The following DLG2 variants were observed in gnomAD, a reference collection of about 807,000 sequenced individuals.
DLG2 encodes the protein discs large MAGUK scaffold protein 2.
Under a neutral mutation model 132.5 loss-of-function variants are expected in DLG2, and 45 were observed. The ratio of observed to expected loss-of-function variants is 0.34; its 90% CI spans 0.27 to 0.44. The LOEUF (loss-of-function observed/expected upper bound fraction) is 0.44, where lower values mean the gene tolerates loss of function less well. DLG2 is among the 20% of genes least tolerant of loss of function. DLG2 has a pLI of 1.00. For synonymous variants in DLG2, 424 were observed against 419.6 expected, an observed-to-expected ratio of 1.01 and a Z score of -0.13; for missense variants, 1,045 against 1,196.9, an observed-to-expected ratio of 0.87 and a Z score of 1.87.
intron 5 of DLG2, among the ~76,000 whole-genome samples, chr11:85,113,722 A>G (rs890759373): frequency 6.6e-6 from 1 of 152,026 alleles, no homozygotes; most frequent in Non-Finnish European, 1.5e-5. Context: ...CACTTTTCTC[A>G]TCTGTAAAAT....
chr11:85,000,966 T>C (rs1298667311), intron 6 of DLG2, among the ~76,000 whole-genome samples: 1 of 152,122 alleles, frequency 6.6e-6, no homozygotes, highest in African/African-American at 2.4e-5. Flanking sequence ...GAACACTGTA[T>C]TGAGAATAGT....
At chr11:85,073,522 T>C (rs2066142669) in intron 6 of DLG2, among the ~76,000 whole-genome samples, 1 of 151,892 alleles carries the variant, frequency 6.6e-6, no homozygotes, top group Non-Finnish European at 1.5e-5. Context: ...ATTGTGTTCT[T>C]GGTGTCTTCT....
At chr11:83,920,650 C>T (rs552577343) in intron 15 of DLG2, among the ~76,000 whole-genome samples, 7 of 152,108 alleles carry the variant, frequency 4.6e-5, no homozygotes, top group Non-Finnish European at 7.4e-5. Flanking sequence ...TTATGGAGCA[C>T]TTCATATTTA....
intron 18 of DLG2, among the ~76,000 whole-genome samples, chr11:83,645,149 G>A (rs1196069356): frequency 3.9e-5 from 6 of 152,136 alleles, no homozygotes; most frequent in East Asian, 1.9e-4. Flanking sequence ...TGTGGCCCAT[G>A]AGAAAGAGTG....
At chr11:84,520,029 T>C (rs1245278161) in intron 7 of DLG2, among the ~76,000 whole-genome samples, 1 of 152,214 alleles carries the variant, frequency 6.6e-6, no homozygotes, top group Non-Finnish European at 1.5e-5. Flanking sequence ...ACATTCTCTT[T>C]CCTGAATCAT....
At chr11:84,791,265 T>C (rs1430639717) in intron 6 of DLG2, among the ~76,000 whole-genome samples, 2 of 152,142 alleles carry the variant, frequency 1.3e-5, no homozygotes, top group African/African-American at 2.4e-5. Context: ...TGAGATAAGA[T>C]TTGGCTGAGG....
chr11:83,786,062 G>T (rs1314072336), intron 18 of DLG2, among the ~76,000 whole-genome samples: 1 of 152,142 alleles, frequency 6.6e-6, no homozygotes, highest in Non-Finnish European at 1.5e-5. Flanking sequence ...GTCTCATTGA[G>T]CCTCATTTTA....
chr11:84,534,490 C>A (rs1202598429), intron 7 of DLG2, 80 bp downstream of exon 7: 2 of 1,411,902 alleles, frequency 1.4e-6, no homozygotes, highest in Admixed American at 1.8e-5. Context: ...CTCATTTAAT[C>A]GGGCCAGCAA....
At chr11:84,977,385 T>C (rs983560074) in intron 6 of DLG2, among the ~76,000 whole-genome samples, 2 of 152,226 alleles carry the variant, frequency 1.3e-5, no homozygotes, top group African/African-American at 4.8e-5. Context: ...TCATCCTTCA[T>C]GACCCCTTTG....
intron 19 of DLG2, among the ~76,000 whole-genome samples, chr11:83,559,134 G>A (rs1456395094): frequency 6.6e-6 from 1 of 152,126 alleles, no homozygotes; most frequent in Admixed American, 6.6e-5. Flanking sequence ...AAAGAAAGAT[G>A]AAAATAAAAG....
intron 10 of DLG2, among the ~76,000 whole-genome samples, chr11:84,093,132 G>A (rs1031566770): frequency 6.6e-6 from 1 of 152,090 alleles, no homozygotes; most frequent in Non-Finnish European, 1.5e-5. Flanking sequence ...CTCACTATTG[G>A]TGTATGTCAT....
chr11:85,569,979 T>C (rs2077752002), intron 3 of DLG2, among the ~76,000 whole-genome samples: 1 of 152,162 alleles, frequency 6.6e-6, no homozygotes, highest in Non-Finnish European at 1.5e-5. Context: ...CAATAGGCAC[T>C]GCAAACTACT....
intron 3 of DLG2, among the ~76,000 whole-genome samples, chr11:85,586,392 T>C (rs2078974074): frequency 6.6e-6 from 1 of 152,212 alleles, no homozygotes. Context: ...CTGCTTGTTA[T>C]TGGTCTGTTC....
At chr11:85,369,097 T>C (rs1016523884) in intron 3 of DLG2, among the ~76,000 whole-genome samples, 1 of 151,980 alleles carries the variant, frequency 6.6e-6, no homozygotes, top group African/African-American at 2.4e-5. Flanking sequence ...AGCATTTTCA[T>C]CCTCAGACTA....
chr11:84,696,346 A>C (rs1046899910), intron 6 of DLG2, among the ~76,000 whole-genome samples: 4 of 151,482 alleles, frequency 2.6e-5, no homozygotes, highest in Admixed American at 2.6e-4. Flanking sequence ...ATTCACCCAA[A>C]TCTATAGATA....
intron 11 of DLG2, among the ~76,000 whole-genome samples, chr11:84,010,378 G>C (rs1382632120): frequency 6.6e-6 from 1 of 151,768 alleles, no homozygotes; most frequent in Non-Finnish European, 1.5e-5. Flanking sequence ...CTGTAACCTT[G>C]AACTTCTGAG....
chr11:84,892,885 G>C (rs949262424), intron 6 of DLG2, among the ~76,000 whole-genome samples: 4 of 151,932 alleles, frequency 2.6e-5, no homozygotes, highest in African/African-American at 9.7e-5. Flanking sequence ...CACTAAAACA[G>C]AGGAAGAGAA....
intron 11 of DLG2, among the ~76,000 whole-genome samples, chr11:84,027,118 G>T (rs1005700848): frequency 6.6e-6 from 1 of 151,968 alleles, no homozygotes; most frequent in East Asian, 1.9e-4. Context: ...GGAGATGGTG[G>T]GATAGAACTA....
intron 18 of DLG2, among the ~76,000 whole-genome samples, chr11:83,680,519 A>C (rs2078596416): frequency 6.6e-6 from 1 of 152,146 alleles, no homozygotes; most frequent in South Asian, 2.1e-4. Flanking sequence ...CTCTATCCAG[A>C]AGCTTTGAGC....
Sources: allele counts gnomAD v4.1 joint callset (sites outside exome capture counted in the v4.1 genomes callset), GRCh38; gene constraint gnomAD v4.1.1; transcripts MANE v1.5; gene names NCBI Gene and HGNC (gene_info 2026-07-23, HGNC 2026-07-21).